The following DNAJC16 variants were observed in gnomAD, a reference collection of about 807,000 sequenced individuals.
The protein encoded by DNAJC16 is DnaJ heat shock protein family (Hsp40) member C16, also known as dnaJ homolog subfamily C member 16.
Under a neutral mutation model 92.7 loss-of-function variants are expected in DNAJC16, and 76 were observed. The observed-to-expected ratio is 0.82, with a 90% CI of 0.68 to 0.99. The LOEUF (loss-of-function observed/expected upper bound fraction) is 0.99. DNAJC16 is among the 50% of genes least tolerant of loss of function. The pLI, the probability that DNAJC16 is intolerant of heterozygous loss-of-function variation, is 0.00. For missense variants in DNAJC16, 869 were observed against 942.4 expected (o/e 0.92, Z 1.02); for synonymous variants, 328 against 358.7 (o/e 0.91, Z 0.97).
intron 4 of DNAJC16, among the ~76,000 whole-genome samples, chr1:15,538,919 A>G (rs958559774): frequency 1.3e-5 from 2 of 152,300 alleles, no homozygotes; most frequent in Admixed American, 1.3e-4. Context: ...ATTTAGCCAC[A>G]TTCGAGTGGC....
At chr1:15,565,697 C>A (rs897395532) in intron 11 of DNAJC16, 22 of 578,916 alleles carry the variant, frequency 3.8e-5, no homozygotes, top group Admixed American at 1.3e-4. Context: ...TACTGAGATA[C>A]AAAATCAAAC....
chr1:15,531,652 A>C (rs962918706), intron 2 of DNAJC16, among the ~76,000 whole-genome samples: 2 of 152,264 alleles, frequency 1.3e-5, no homozygotes, highest in Non-Finnish European at 2.9e-5. Context: ...GTGTTATGAT[A>C]TTAATTAAAT....
intron 7 of DNAJC16, among the ~76,000 whole-genome samples, chr1:15,550,161 G>T (rs539726302): frequency 6.6e-6 from 1 of 152,184 alleles, no homozygotes; most frequent in African/African-American, 2.4e-5. Flanking sequence ...AGACGAGAAG[G>T]TGCTGCAAGT....
chr1:15,560,595 TATCA>T (rs1638668650), intron 8 of DNAJC16, among the ~76,000 whole-genome samples: 1 of 152,198 alleles, frequency 6.6e-6, no homozygotes, highest in Admixed American at 6.5e-5. Flanking sequence ...AAGGAAAACA[TATCA>T]ATCATGTAAC....
chr1:15,544,265 G>T, intron 4 of DNAJC16, 134 bp from the exon 5 acceptor site: 2 of 849,418 alleles, frequency 2.4e-6, no homozygotes, highest in South Asian at 2.2e-5. Flanking sequence ...GTGAAAGAAT[G>T]CTAGACAGTC....
At chr1:15,533,075 A>G (rs534266307) in intron 2 of DNAJC16, among the ~76,000 whole-genome samples, 110 of 152,336 alleles carry the variant, frequency 7.2e-4, no homozygotes, top group African/African-American at 2.4e-3. Context: ...AAAAGTGATT[A>G]TGTAAAGAAT....
chr1:15,544,731 A>C, intron 5 of DNAJC16, 148 bp downstream of exon 5: 1 of 755,070 alleles, frequency 1.3e-6, no homozygotes, highest in Non-Finnish European at 2.1e-6. Flanking sequence ...TAATTACTCA[A>C]ACTAAATCGT....
chr1:15,546,793 C>A lies in DNAJC16; in HGVS notation c.786C>A (p.Phe262Leu). ...TTACAAATAAAAATTACGTCAGATT[C>A]CTCTCTGGCTGGCAGCAAGAGAATA... is the stretch of plus-strand genomic sequence containing the variant. ...EKVTNKNYVR[F>L]LSGWQQENKP... The change falls in exon 6 of 15, where the codon TTC (phenylalanine) becomes TTA (leucine). Residue 262 changes from phenylalanine (F) to leucine (L), a missense_variant. Physicochemically the swap from Phe to Leu is conservative, Grantham distance 22 (BLOSUM62 0). Transcript: ENST00000375847. The A allele has an allele frequency of 6.2e-7, 1 of 1,613,002 alleles. No individual in the cohort carries two copies. The highest frequency in any genetic ancestry group is 1.7e-5 in the Admixed American group (1 of 59,790).
chr1:15,531,725 G>A (rs1710665634), intron 2 of DNAJC16, among the ~76,000 whole-genome samples: 1 of 152,154 alleles, frequency 6.6e-6, no homozygotes, highest in Non-Finnish European at 1.5e-5. Context: ...CCATAGAAGT[G>A]TATTGAGTGT....
rs988719469 is a variant in DNAJC16, at chr1:15,540,684, G to A, written c.575-3715G>A. On this transcript the variant is annotated intron_variant, in intron 4 of 14. Coordinates refer to ENST00000375847, the MANE Select transcript of DNAJC16 (RefSeq NM_015291.4). ...ACTCCTGGTCACAAGCGATCCTCCCGCCTCAGCCTCCCAAAGCACTGGTAT... is the reference window on the plus strand; with the variant it reads ...ACTCCTGGTCACAAGCGATCCTCCCACCTCAGCCTCCCAAAGCACTGGTAT... Among the ~76,000 whole-genome samples, 10 of 152,214 alleles carry A rather than the reference G, an allele frequency of 6.6e-5. No individual in the cohort carries two copies. In the South Asian group the frequency reaches 8.3e-4, roughly 13 times the overall value.
At chr1:15,556,627 AATCAT>A (rs1638578403) in intron 7 of DNAJC16, among the ~76,000 whole-genome samples, 1 of 152,134 alleles carries the variant, frequency 6.6e-6, no homozygotes, top group African/African-American at 2.4e-5. Context: ...CTAACTATGT[AATCAT>A]ATCATCTGAG....
chr1:15,540,124 G>A (rs545188729), intron 4 of DNAJC16, among the ~76,000 whole-genome samples: 221 of 152,212 alleles, frequency 1.5e-3, no homozygotes, highest in Non-Finnish European at 2.6e-3. Context: ...TTAGGAGTTC[G>A]AGACCAGCCT....
At chr1:15,538,192 C>T (rs886228082) in intron 4 of DNAJC16, among the ~76,000 whole-genome samples, 11 of 151,736 alleles carry the variant, frequency 7.2e-5, no homozygotes, top group African/African-American at 2.7e-4. Context: ...GTCAGGAGTT[C>T]GAGACCAGCC....
intron 2 of DNAJC16, among the ~76,000 whole-genome samples, chr1:15,533,623 G>A (rs1235896761): frequency 6.6e-6 from 1 of 151,762 alleles, no homozygotes; most frequent in South Asian, 2.1e-4. Flanking sequence ...GTGAGACCCT[G>A]TCTCAAAAAA....
chr1:15,567,700 C>T lies in DNAJC16; in HGVS notation c.1950-78C>T, dbSNP rs1219622503. The T allele has an allele frequency of 6.3e-6, 9 of 1,433,388 alleles. No individual in the cohort carries two copies. In the African/African-American group the frequency reaches 7.1e-5, roughly 11 times the overall value. The allele number at this position is 1,433,388 out of a possible 1,614,324, so 88.8% of individuals were successfully genotyped here. A position where few individuals can be genotyped will look rare whatever the true frequency, so the allele number is the denominator to read the frequency against. ...AAAGCGTTTTCCTATTATTTTAAGTCTCACTGGGGTATTTATTTTCTCAGC... is the reference window on the plus strand; with the variant it reads ...AAAGCGTTTTCCTATTATTTTAAGTTTCACTGGGGTATTTATTTTCTCAGC... On this transcript the variant is annotated intron_variant, in intron 14 of 14. Transcript: ENST00000375847.
chr1:15,561,629 A>G (rs1638693286), intron 8 of DNAJC16, among the ~76,000 whole-genome samples: 2 of 151,812 alleles, frequency 1.3e-5, no homozygotes, highest in African/African-American at 2.4e-5. Context: ...AGTTACAGTG[A>G]GCCGAGATCA....
intron 2 of DNAJC16, among the ~76,000 whole-genome samples, chr1:15,533,301 C>T (rs1204887815): frequency 6.6e-6 from 1 of 152,086 alleles, no homozygotes; most frequent in African/African-American, 2.4e-5. Flanking sequence ...AATTTGAGAC[C>T]AGCCTGGACA....
chr1:15,542,330 A>G (rs1002371204), intron 4 of DNAJC16: 1 of 152,082 alleles, frequency 6.6e-6, no homozygotes, highest in Admixed American at 6.6e-5. Context: ...GAACATATAT[A>G]TATATTTAAT....
At chr1:15,561,589 G>A (rs1392644066) in intron 8 of DNAJC16, among the ~76,000 whole-genome samples, 1 of 152,162 alleles carries the variant, frequency 6.6e-6, no homozygotes, top group Non-Finnish European at 1.5e-5. Flanking sequence ...GGAGGCTGAG[G>A]CAGGAGAATG....
Sources: allele counts gnomAD v4.1 joint callset (sites outside exome capture counted in the v4.1 genomes callset), GRCh38; gene constraint gnomAD v4.1.1; transcripts MANE v1.5; gene names NCBI Gene and HGNC (gene_info 2026-07-23, HGNC 2026-07-21).